Variants in ITPK1 observed in about 807,000 individuals in gnomAD.
ITPK1 encodes inositol 1,3,4-trisphosphate 5/6-kinase.
In ITPK1, 21 loss-of-function variants were observed where a neutral mutation model predicts 45.3. The observed-to-expected ratio is 0.46, with a 90% CI of 0.33 to 0.67. ITPK1 has a LOEUF of 0.67. Ranked by LOEUF, ITPK1 falls within the 30% of genes least tolerant of loss-of-function variation. ITPK1 has a pLI of 0.02. For missense variants in ITPK1, 474 were observed against 573.5 expected (o/e 0.83, Z 1.77); for synonymous variants, 258 against 253.6 (o/e 1.02, Z -0.16).
At chr14:92,990,335 A>G (rs1886716191) in intron 5 of ITPK1, among the ~76,000 whole-genome samples, 1 of 152,110 alleles carries the variant, frequency 6.6e-6, no homozygotes, top group African/African-American at 2.4e-5. Flanking sequence ...CTGGAAATAC[A>G]GCCATCACCC....
At chr14:93,005,132 G>A (rs183455195) in intron 4 of ITPK1, among the ~76,000 whole-genome samples, 1 of 152,236 alleles carries the variant, frequency 6.6e-6, no homozygotes, top group African/African-American at 2.4e-5. Context: ...AAGGCCACAG[G>A]ATGGAGCTGG....
In ITPK1 at chr14:93,016,287, C is replaced by A. The variant is rs1888174903; in HGVS notation, c.246+389G>T. Among the ~76,000 whole-genome samples the A allele has an allele frequency of 6.6e-6, 1 of 152,118 alleles. No individual in the cohort carries two copies. Among genetic ancestry groups the A allele is most frequent in the Non-Finnish European group, 1.5e-5 (1 of 68,022 alleles). Reference sequence around the variant, plus strand: ...CCAAGGCAGGACTCAGTTCAAAGGCCCTCGGGGGTCCCCTTTACCAAGTGC... The same window carrying A: ...CCAAGGCAGGACTCAGTTCAAAGGCACTCGGGGGTCCCCTTTACCAAGTGC... On this transcript the variant is annotated intron_variant, in intron 4 of 10. Transcript: ENST00000267615. This position sits in a 1 kb window ranked among gnomAD's most constrained non-coding sequence, Gnocchi z 5.0.
At chr14:92,965,137 A>G (rs904122041) in intron 5 of ITPK1, among the ~76,000 whole-genome samples, 2 of 152,154 alleles carry the variant, frequency 1.3e-5, no homozygotes, top group African/African-American at 2.4e-5. Flanking sequence ...AAAAGTGCCC[A>G]TGGAGCTCCC....
At chr14:93,010,392 G>T (rs142076609) in intron 4 of ITPK1, among the ~76,000 whole-genome samples, 21 of 152,240 alleles carry the variant, frequency 1.4e-4, no homozygotes, top group Non-Finnish European at 1.5e-5. Context: ...TGTGGCAAAC[G>T]TGAACCGCGG....
intron 4 of ITPK1, among the ~76,000 whole-genome samples, chr14:93,007,446 C>T (rs953611416): frequency 9.9e-5 from 15 of 151,794 alleles, no homozygotes; most frequent in African/African-American, 3.1e-4. Flanking sequence ...CTGCCTTGTC[C>T]GTGTGATGCA....
intron 3 of ITPK1, among the ~76,000 whole-genome samples, chr14:93,019,690 C>T (rs1888370399): frequency 6.6e-6 from 1 of 152,128 alleles, no homozygotes; most frequent in Non-Finnish European, 1.5e-5. Flanking sequence ...TGCAAACAGG[C>T]TGCGGTCTCC....
chr14:92,977,807 C>A (rs1161019381), intron 5 of ITPK1, among the ~76,000 whole-genome samples: 1 of 151,898 alleles, frequency 6.6e-6, no homozygotes, highest in Non-Finnish European at 1.5e-5. Context: ...AAACTCTTTT[C>A]TTCATAAATT....
At chr14:92,945,687 T>C (rs1378332387) in intron 10 of ITPK1, among the ~76,000 whole-genome samples, 2 of 152,162 alleles carry the variant, frequency 1.3e-5, no homozygotes, top group Non-Finnish European at 2.9e-5. Context: ...CACACCATCG[T>C]TCCTCATGCC....
Position 93,115,302 on chromosome 14 carries a change from A to T in ITPK1, c.-139T>A. The T allele has an allele frequency of 2.4e-6, 1 of 417,542 alleles. No individual in the cohort carries two copies. 25.9% of individuals were successfully genotyped at this position (417,542 alleles called of 1,614,324 possible). ...AACGGGGATCGGAGCTGGGGCGCGCAGTCCTGCCGCGCGGAGCGGAGCGGG... is the reference window on the plus strand; with the variant it reads ...AACGGGGATCGGAGCTGGGGCGCGCTGTCCTGCCGCGCGGAGCGGAGCGGG... On this transcript the variant is annotated 5_prime_UTR_variant, in exon 2 of 11. Coordinates refer to ENST00000267615, the MANE Select transcript of ITPK1 (RefSeq NM_014216.6).
chr14:92,989,005 C>T (rs750112899), intron 5 of ITPK1, among the ~76,000 whole-genome samples: 10 of 152,046 alleles, frequency 6.6e-5, no homozygotes, highest in Non-Finnish European at 1.2e-4. Context: ...CTCCAAGTCC[C>T]CACCCCTCTG....
At chr14:93,106,121 G>C (rs983079298) in intron 2 of ITPK1, among the ~76,000 whole-genome samples, 1 of 152,208 alleles carries the variant, frequency 6.6e-6, no homozygotes, top group Middle Eastern at 3.4e-3. Flanking sequence ...GGGCACCTGA[G>C]ACCTAACCTG....
intron 5 of ITPK1, among the ~76,000 whole-genome samples, chr14:92,979,171 G>T (rs1177245443): frequency 6.6e-6 from 1 of 152,240 alleles, no homozygotes; most frequent in African/African-American, 2.4e-5. Flanking sequence ...TTTTGGACTT[G>T]CATGGGGACT....
At chr14:93,066,822 C>T (rs1166378478) in intron 3 of ITPK1, among the ~76,000 whole-genome samples, 1 of 152,212 alleles carries the variant, frequency 6.6e-6, no homozygotes, top group Non-Finnish European at 1.5e-5. Flanking sequence ...GTCTTTGGAA[C>T]TGACCTGAGG....
chr14:92,995,112 C>T (rs1232928873), intron 4 of ITPK1, among the ~76,000 whole-genome samples: 2 of 152,084 alleles, frequency 1.3e-5, no homozygotes, highest in Non-Finnish European at 2.9e-5. Flanking sequence ...CCCTCAGGGC[C>T]TCCGGAGGGA....
chr14:93,027,975 T>TG (rs1408940344), intron 3 of ITPK1, among the ~76,000 whole-genome samples: 1 of 152,232 alleles, frequency 6.6e-6, no homozygotes, highest in African/African-American at 2.4e-5. Flanking sequence ...GGCTGGTCCT[T>TG]GGCTTTCTGC....
intron 2 of ITPK1, among the ~76,000 whole-genome samples, chr14:93,098,469 C>A (rs925833767): frequency 2.7e-5 from 4 of 150,160 alleles, no homozygotes; most frequent in Non-Finnish European, 4.4e-5. Flanking sequence ...AAAAAAAAAA[C>A]ACACAAAAAT....
intron 5 of ITPK1, among the ~76,000 whole-genome samples, chr14:92,967,472 G>C (rs991655200): frequency 6.6e-6 from 1 of 152,204 alleles, no homozygotes; most frequent in Admixed American, 6.5e-5. Context: ...GGTGGGAATA[G>C]AGAAATGGTA....
At chr14:93,071,448 C>A (rs1890998880) in intron 3 of ITPK1, 1 of 152,222 alleles carries the variant, frequency 6.6e-6, no homozygotes, top group Non-Finnish European at 1.5e-5. Flanking sequence ...ACCAAACCCC[C>A]ACAAAATAAA....
chr14:93,098,473 C>A (rs1470929990), intron 2 of ITPK1, among the ~76,000 whole-genome samples: 1 of 150,518 alleles, frequency 6.6e-6, no homozygotes, highest in Non-Finnish European at 1.5e-5. Flanking sequence ...AAAAAACACA[C>A]AAAAATTAGC....
Sources: gnomAD v4.1 joint callset for allele counts (sites outside exome capture counted in the v4.1 genomes callset) on GRCh38, gnomAD v4.1.1 for gene constraint, Gnocchi (gnomAD v3.1) non-coding constraint, MANE v1.5 for transcripts, NCBI Gene and HGNC (gene_info 2026-07-23, HGNC 2026-07-21) for gene names.